COL4A6: variants seen among roughly 807,000 people sequenced by gnomAD.
COL4A6 encodes collagen alpha-6(IV) chain.
A neutral mutation model predicts 126.7 loss-of-function variants in COL4A6; 59 were observed. The observed-to-expected ratio is 0.47, with a 90% CI of 0.38 to 0.58. The LOEUF (loss-of-function observed/expected upper bound fraction) is 0.58, where lower values mean the gene tolerates loss of function less well. Among genes scored for constraint, COL4A6 ranks in the 20% least tolerant of loss-of-function variants. The pLI, the probability that COL4A6 is intolerant of heterozygous loss-of-function variation, is 0.00. For synonymous variants in COL4A6, 547 were observed against 496.6 expected (o/e 1.10, Z -1.35); for missense variants, 1,285 against 1,337.3 (o/e 0.96, Z 0.61).
At position 108,196,586 on chromosome X, in the gene COL4A6, GAAAAAA is replaced by G. The variant is rs745968927; in HGVS notation, c.835-13_835-8del. 1.7e-6 allele frequency: 2 copies of G among 1,176,351 alleles called. No individual in the cohort carries two copies. The highest frequency in any genetic ancestry group is 3.6e-5 in the African/African-American group (2 of 56,063). On this transcript the variant is annotated splice_polypyrimidine_tract_variant and splice_region_variant and intron_variant, in intron 13 of 44. Coordinates refer to ENST00000334504, the MANE Select transcript of COL4A6 (RefSeq NM_033641.4). The stretch of plus-strand genomic sequence containing the variant: ...CTCCAGTAGTTCCAAGGCCCTAAAT[GAAAAAA>G]GAAACCACAAGTTATAACGTTTGTT...
At chrX:108,368,764 T>G (rs1006405993) in intron 2 of COL4A6, among the ~76,000 whole-genome samples, 2 of 111,870 alleles carry the variant, frequency 1.8e-5, no homozygotes, top group African/African-American at 6.5e-5. Flanking sequence ...TTTTAAAATT[T>G]TCTGTTAAAA....
chrX:108,375,099 C>A (rs1185703801), intron 2 of COL4A6, among the ~76,000 whole-genome samples: 1 of 111,804 alleles, frequency 8.9e-6, no homozygotes, highest in Non-Finnish European at 1.9e-5. Context: ...AGGCTCCAGG[C>A]TTTCTAATCT....
chrX:108,349,428 C>T (rs2039789247), intron 2 of COL4A6, among the ~76,000 whole-genome samples: 1 of 111,810 alleles, frequency 8.9e-6, no homozygotes, highest in Non-Finnish European at 1.9e-5. Flanking sequence ...GGGGCTCAGA[C>T]TTTGGAGAAA....
chrX:108,312,286 A>G (rs1244232914), intron 2 of COL4A6, among the ~76,000 whole-genome samples: 1 of 112,217 alleles, frequency 8.9e-6, no homozygotes, highest in African/African-American at 3.2e-5. Context: ...ACATTCCCAC[A>G]ACACTTTATC....
chrX:108,257,892 G>T (rs1460610582), intron 3 of COL4A6, among the ~76,000 whole-genome samples: 1 of 111,777 alleles, frequency 8.9e-6, no homozygotes, highest in Admixed American at 9.5e-5. Flanking sequence ...AGGTAAAGAA[G>T]GATAGAAGTG....
intron 32 of COL4A6, among the ~76,000 whole-genome samples, chrX:108,172,053 G>T (rs893750655): frequency 8.9e-6 from 1 of 111,803 alleles, no homozygotes; most frequent in East Asian, 2.8e-4. Context: ...CGCTACCCTC[G>T]CAAGAGACCC....
intron 2 of COL4A6, among the ~76,000 whole-genome samples, chrX:108,375,047 G>A (rs945374583): frequency 3.6e-5 from 4 of 112,051 alleles, no homozygotes; most frequent in Non-Finnish European, 5.6e-5. Context: ...ATCCATCTAA[G>A]CTAGCTCAAG....
At chrX:108,400,669 CATGT>C (rs904924656) in intron 2 of COL4A6, among the ~76,000 whole-genome samples, 1 of 110,297 alleles carries the variant, frequency 9.1e-6, no homozygotes, top group African/African-American at 3.3e-5. Context: ...GAAAAAGGCC[CATGT>C]ATGTATGTAT....
chrX:108,179,238 A>G lies in COL4A6; in HGVS notation c.2332T>C (p.Ser778Pro), dbSNP rs1316157987. ...LTGHKGFLGD[S>P]GLPGLKGVHG... ...TCACCCTTGAGTCCTGGAAGGCCAG[A>G]GTCTCCAAGAAATCCTTTGTGCCCT... Residue 778 changes from serine to proline, a missense_variant, in exon 26 of 45, where the codon TCT becomes CCT. Ser to Pro is a moderately conservative substitution (Grantham distance 74, BLOSUM62 -1). Coordinates refer to ENST00000334504, the MANE Select transcript of COL4A6 (RefSeq NM_033641.4). The G allele has an allele frequency of 1.7e-6, 2 of 1,211,122 alleles. No individual in the cohort carries two copies. The highest frequency in any genetic ancestry group is 2.2e-5 in the Admixed American group (1 of 46,081).
intron 2 of COL4A6, among the ~76,000 whole-genome samples, chrX:108,384,731 C>T (rs758142378): frequency 1.2e-3 from 138 of 111,604 alleles, no homozygotes; most frequent in African/African-American, 4.3e-3. Context: ...ATAAAGGAAA[C>T]GTAAATGTCG....
intron 2 of COL4A6, among the ~76,000 whole-genome samples, chrX:108,372,160 T>G (rs1327501825): frequency 9.0e-6 from 1 of 111,282 alleles, no homozygotes; most frequent in Non-Finnish European, 1.9e-5. Context: ...CCTCTCAACA[T>G]CAAAGAATGG....
intron 3 of COL4A6, among the ~76,000 whole-genome samples, chrX:108,300,239 T>C (rs1181724268): frequency 9.0e-6 from 1 of 111,125 alleles, no homozygotes; most frequent in Non-Finnish European, 1.9e-5. Context: ...GTTAGACAAA[T>C]GTGAGGGAAA....
chrX:108,297,355 A>G (rs2038354105), intron 3 of COL4A6, among the ~76,000 whole-genome samples: 1 of 111,787 alleles, frequency 8.9e-6, no homozygotes, highest in Non-Finnish European at 1.9e-5. Context: ...TAGCTAAACC[A>G]TTCACCTAAT....
intron 2 of COL4A6, among the ~76,000 whole-genome samples, chrX:108,419,348 T>C (rs1247466029): frequency 8.9e-6 from 1 of 112,022 alleles, no homozygotes; most frequent in East Asian, 2.8e-4. Context: ...TAGATAGGAT[T>C]ATATTATTGA....
At position 108,217,994 on chromosome X, in the gene COL4A6, C is replaced by T. The variant is rs148051514; in HGVS notation, c.324+1704G>A. On this transcript the variant is annotated intron_variant, in intron 5 of 44. Transcript: ENST00000334504. Reference sequence around the variant, plus strand: ...AACAGCTGCAACTCATTCTGCCAAGCAATGAAGCCTCGAAGAGAAGTGATC... The same window carrying T: ...AACAGCTGCAACTCATTCTGCCAAGTAATGAAGCCTCGAAGAGAAGTGATC... Among the ~76,000 whole-genome samples, 484 of 112,021 alleles carry T rather than the reference C, an allele frequency of 4.3e-3. 10 individuals carry two copies. The East Asian group carries it at 0.074, about 17-fold the overall frequency.
intron 38 of COL4A6, among the ~76,000 whole-genome samples, 156 bp downstream of exon 38, chrX:108,165,214 G>C (rs1044393095): frequency 1.8e-5 from 2 of 112,209 alleles, no homozygotes; most frequent in Non-Finnish European, 3.8e-5. Context: ...AATGCACTTG[G>C]CTCAAGTCCC....
intron 2 of COL4A6, among the ~76,000 whole-genome samples, chrX:108,332,085 A>T (rs2039315437): frequency 9.0e-6 from 1 of 111,111 alleles, no homozygotes; most frequent in African/African-American, 3.3e-5. Flanking sequence ...TCTCCCACTT[A>T]TGAGTGAGAA....
At chrX:108,314,077 A>G (rs1427120403) in intron 2 of COL4A6, among the ~76,000 whole-genome samples, 1 of 111,951 alleles carries the variant, frequency 8.9e-6, no homozygotes, top group Admixed American at 9.5e-5. Flanking sequence ...AATTATAAAC[A>G]GTTTTCATCT....
chrX:108,369,491 C>T (rs756716479), intron 2 of COL4A6, among the ~76,000 whole-genome samples: 34 of 111,983 alleles, frequency 3.0e-4, no homozygotes, highest in Non-Finnish European at 5.3e-4. Flanking sequence ...TCCATGACTG[C>T]TAGGATCATG....
Sources: gnomAD v4.1 joint callset for allele counts (sites outside exome capture counted in the v4.1 genomes callset) on GRCh38, gnomAD v4.1.1 for gene constraint, MANE v1.5 for transcripts, NCBI Gene and HGNC (gene_info 2026-07-23, HGNC 2026-07-21) for gene names.